Variants in GLDC observed in about 807,000 individuals in gnomAD.
The protein encoded by GLDC is glycine dehydrogenase (decarboxylating), mitochondrial.
Under a neutral mutation model 121.3 loss-of-function variants are expected in GLDC, and 104 were observed. The observed-to-expected ratio is 0.86, with a 90% CI of 0.73 to 1.01. The LOEUF is 1.01. Ranked by LOEUF, GLDC falls within the 50% of genes least tolerant of loss-of-function variation. The pLI is 0.00. For synonymous variants in GLDC, 546 were observed against 480.6 expected (o/e 1.14, Z -1.78); for missense variants, 1,429 against 1,306.6 (o/e 1.09, Z -1.44).
chr9:6,534,250 C>A, intron 24 of GLDC: 1 of 161,830 alleles, frequency 6.2e-6, no homozygotes, highest in Non-Finnish European at 1.3e-5. Flanking sequence ...CCAATGAATA[C>A]AGGATTTACC....
At chr9:6,609,765 G>C (rs1404413139) in intron 4 of GLDC, among the ~76,000 whole-genome samples, 1 of 151,884 alleles carries the variant, frequency 6.6e-6, no homozygotes, top group Non-Finnish European at 1.5e-5. Context: ...GCCCTGCCTT[G>C]AGAGACCTCA....
At chr9:6,547,299 G>A (rs1377089266) in intron 21 of GLDC, among the ~76,000 whole-genome samples, 1 of 152,174 alleles carries the variant, frequency 6.6e-6, no homozygotes, top group African/African-American at 2.4e-5. Flanking sequence ...TGAAGGAGAA[G>A]GAAGTAGACA....
In GLDC at chr9:6,558,676, G is replaced by A. The variant is rs1192928029; in HGVS notation, c.1935C>T (p.Leu645=). Residue 645 remains leucine, a synonymous_variant, in exon 17 of 25, where the codon CTC becomes CTT. Transcript: ENST00000321612. ...TGGTCCCATGTGCTGATTTCGGAAT[G>A]AGGCAAACCTACAGAATAGAAAGGA... The part of the protein sequence containing the change: ...QKGEGHRTVC[L]IPKSAHGTNP... The A allele has an allele frequency of 1.9e-6, 3 of 1,614,180 alleles. No individual in the cohort carries two copies. The highest frequency in any genetic ancestry group is 8.5e-7 in the Non-Finnish European group (1 of 1,180,026).
intron 21 of GLDC, among the ~76,000 whole-genome samples, chr9:6,548,741 G>T (rs1184790687): frequency 6.6e-6 from 1 of 152,152 alleles, no homozygotes; most frequent in Non-Finnish European, 1.5e-5. Context: ...CCTGGTCTCT[G>T]TCCTGCTCTT....
intron 15 of GLDC, among the ~76,000 whole-genome samples, chr9:6,581,281 C>T (rs1234351575): frequency 1.3e-5 from 2 of 152,214 alleles, no homozygotes; most frequent in African/African-American, 4.8e-5. Context: ...TCAGTGCCCC[C>T]AATGGGACTG....
intron 15 of GLDC, among the ~76,000 whole-genome samples, chr9:6,578,484 C>A (rs1818115095): frequency 6.6e-6 from 1 of 152,084 alleles, no homozygotes; most frequent in African/African-American, 2.4e-5. Context: ...TTAGCTACAG[C>A]CCGTGATGTT....
intron 3 of GLDC, among the ~76,000 whole-genome samples, chr9:6,617,274 CTGAAAAGTAAA>C (rs1563863331): frequency 6.6e-6 from 1 of 152,126 alleles, no homozygotes; most frequent in East Asian, 1.9e-4. Flanking sequence ...TAAAATGCAC[CTGAAAAGTAAA>C]TGAAAAGTAC....
Position 6,639,889 on chromosome 9 carries a change from C to G in GLDC, c.334+4725G>C, listed in dbSNP as rs564168253. ...TATCTCTAGTGACAATCCAGGAAAC[C>G]GAACAACAACTTCCCTAACAATTGG... On this transcript the variant is annotated intron_variant, in intron 2 of 24. Coordinates refer to ENST00000321612, the MANE Select transcript of GLDC (RefSeq NM_000170.3). 3.3e-5 allele frequency among the ~76,000 whole-genome samples: 5 copies of G among 152,148 alleles called. No individual in the cohort carries two copies. The South Asian group carries it at 1.0e-3, about 32-fold the overall frequency.
chr9:6,604,101 A>T (rs1432256611), intron 7 of GLDC, among the ~76,000 whole-genome samples: 2 of 151,948 alleles, frequency 1.3e-5, no homozygotes, highest in Non-Finnish European at 2.9e-5. Context: ...TTAATCTGAG[A>T]AGTTTCACCA....
chr9:6,577,893 T>C (rs1447262614), intron 15 of GLDC, among the ~76,000 whole-genome samples: 1 of 151,844 alleles, frequency 6.6e-6, no homozygotes, highest in African/African-American at 2.4e-5. Flanking sequence ...TCTGTTGTTT[T>C]AGGGTGGAAG....
intron 21 of GLDC, 82 bp from the exon 22 acceptor site, chr9:6,540,228 T>C: frequency 1.1e-6 from 1 of 910,274 alleles, no homozygotes; most frequent in Non-Finnish European, 1.8e-6. Flanking sequence ...ATTTAATAAA[T>C]AAGTGCATCA....
Position 6,592,903 on chromosome 9 carries a change from A to G in GLDC, c.1349T>C (p.Leu450Ser). 1.2e-6 allele frequency: 2 copies of G among 1,614,100 alleles called. No individual in the cohort carries two copies. Among genetic ancestry groups the G allele is most frequent in the Non-Finnish European group, 1.7e-6 (2 of 1,179,926 alleles). Residue 450 changes from leucine to serine, a missense_variant, in exon 10 of 25, where the codon TTG (leucine) becomes TCG (serine). Transcript: ENST00000321612. Reference sequence around the variant, plus strand: ...GATCTGCCGCTGAGCGGCCCTGCCCAAGACCTCCTTCACTGAGCAGCCACA... The same window carrying G: ...GATCTGCCGCTGAGCGGCCCTGCCCGAGACCTCCTTCACTGAGCAGCCACA... Reference protein sequence around the residue: ...IQCGCSVKEVLGRAAQRQINF... With the variant: ...IQCGCSVKEVSGRAAQRQINF...
chr9:6,639,403 A>G (rs1587986218), intron 2 of GLDC: 8 of 915,988 alleles, frequency 8.7e-6, no homozygotes, highest in Non-Finnish European at 1.4e-5. Context: ...GTCGCCATGA[A>G]GAAGATGGAA....
intron 3 of GLDC, among the ~76,000 whole-genome samples, chr9:6,615,920 G>C (rs1212242145): frequency 6.6e-6 from 1 of 151,092 alleles, no homozygotes; most frequent in Non-Finnish European, 1.5e-5. Context: ...GCCTAATCAG[G>C]ATTTTCTTTT....
intron 17 of GLDC, 186 bp downstream of exon 17, chr9:6,558,373 G>C (rs1255515067): frequency 1.2e-5 from 9 of 734,078 alleles, no homozygotes; most frequent in Admixed American, 3.9e-5. Context: ...ACACAAGCTG[G>C]AATTAGAAAA....
intron 13 of GLDC, 62 bp from the exon 14 acceptor site, chr9:6,588,504 C>T: frequency 6.7e-7 from 1 of 1,487,208 alleles, no homozygotes; most frequent in Non-Finnish European, 9.4e-7. Context: ...TCAATCAACC[C>T]TCCATTCTCC....
chr9:6,633,192 G>A (rs1171062500), intron 2 of GLDC, among the ~76,000 whole-genome samples: 2 of 152,060 alleles, frequency 1.3e-5, no homozygotes, highest in Admixed American at 6.6e-5. Context: ...TCGAGAATAC[G>A]ACACAGGGGT....
intron 15 of GLDC, among the ~76,000 whole-genome samples, chr9:6,583,209 C>A (rs1006268674): frequency 6.6e-6 from 1 of 152,080 alleles, no homozygotes; most frequent in East Asian, 1.9e-4. Flanking sequence ...AACTCCACTT[C>A]TGAATATATA....
intron 17 of GLDC, among the ~76,000 whole-genome samples, chr9:6,557,144 T>C (rs553212045): frequency 2.0e-5 from 3 of 152,310 alleles, no homozygotes; most frequent in East Asian, 3.9e-4. Flanking sequence ...TTTTGAATAG[T>C]TAGAAGGAGG....
Sources: allele counts gnomAD v4.1 joint callset (sites outside exome capture counted in the v4.1 genomes callset), GRCh38; gene constraint gnomAD v4.1.1; transcripts MANE v1.5; gene names NCBI Gene and HGNC (gene_info 2026-07-23, HGNC 2026-07-21).